The following ASXL3 variants were observed in gnomAD, a reference collection of about 807,000 sequenced individuals.
ASXL3 encodes ASXL transcriptional regulator 3, also known as putative Polycomb group protein ASXL3.
In ASXL3, 34 loss-of-function variants were observed where a neutral mutation model predicts 170.6. The observed-to-expected ratio is 0.20, with a 90% CI of 0.15 to 0.27. The LOEUF (loss-of-function observed/expected upper bound fraction) is 0.27. Among genes scored for constraint, ASXL3 ranks in the 10% least tolerant of loss-of-function variants. The probability of loss-of-function intolerance (pLI) is 1.00; values close to 1 mark genes in which losing one functional copy is unlikely to be tolerated. For missense variants in ASXL3, 2,592 were observed against 2,695.3 expected (o/e 0.96, Z 0.85); for synonymous variants, 1,002 against 989.1 (o/e 1.01, Z -0.24).
chr18:33,586,237 A>G (rs889611264), intron 1 of ASXL3, among the ~76,000 whole-genome samples: 7 of 152,106 alleles, frequency 4.6e-5, no homozygotes, highest in African/African-American at 1.7e-4. Context: ...AAATTACTAC[A>G]TATGTAATCT....
intron 5 of ASXL3, among the ~76,000 whole-genome samples, chr18:33,670,346 C>T (rs2145253145): frequency 6.6e-6 from 1 of 152,334 alleles, no homozygotes; most frequent in Non-Finnish European, 1.5e-5. Flanking sequence ...ATTTTACATT[C>T]ATTTGACTTG....
intron 1 of ASXL3, among the ~76,000 whole-genome samples, chr18:33,606,021 C>G (rs965201225): frequency 3.3e-5 from 5 of 151,932 alleles, no homozygotes; most frequent in Admixed American, 6.6e-5. Flanking sequence ...GTTCTACTTA[C>G]AGTTCTTATT....
intron 1 of ASXL3, among the ~76,000 whole-genome samples, chr18:33,584,010 G>A (rs2065014296): frequency 6.6e-6 from 1 of 152,126 alleles, no homozygotes; most frequent in Non-Finnish European, 1.5e-5. Context: ...ACCATCTGTA[G>A]GTGACACATG....
At chr18:33,693,417 C>T (rs1010413286) in intron 8 of ASXL3, among the ~76,000 whole-genome samples, 2 of 151,560 alleles carry the variant, frequency 1.3e-5, no homozygotes, top group African/African-American at 4.8e-5. Flanking sequence ...TTTAGAAAAA[C>T]GAAGAAAAAA....
intron 8 of ASXL3, among the ~76,000 whole-genome samples, chr18:33,730,258 G>A (rs1250724971): frequency 6.6e-6 from 1 of 152,014 alleles, no homozygotes; most frequent in East Asian, 1.9e-4. Context: ...GAATTATCTG[G>A]CCCCAAATGA....
chr18:33,615,108 A>T (rs2065402585), intron 2 of ASXL3, among the ~76,000 whole-genome samples: 1 of 152,090 alleles, frequency 6.6e-6, no homozygotes, highest in Non-Finnish European at 1.5e-5. Flanking sequence ...AAAGTCCTAG[A>T]TGGCATTTTC....
At chr18:33,652,519 C>CTGCT (rs2066015308) in intron 4 of ASXL3, among the ~76,000 whole-genome samples, 1 of 144,766 alleles carries the variant, frequency 6.9e-6, no homozygotes. Flanking sequence ...AAAAAAGGTT[C>CTGCT]TGCTTGCTAT....
intron 2 of ASXL3, among the ~76,000 whole-genome samples, chr18:33,637,478 A>T (rs1261016515): frequency 6.6e-6 from 1 of 152,156 alleles, no homozygotes; most frequent in Non-Finnish European, 1.5e-5. Context: ...CACAGAACAG[A>T]TTCTGGAAAT....
intron 1 of ASXL3, among the ~76,000 whole-genome samples, chr18:33,597,441 C>A (rs931952894): frequency 6.6e-6 from 1 of 152,066 alleles, no homozygotes; most frequent in African/African-American, 2.4e-5. Flanking sequence ...TATGTACCTT[C>A]ATTTATTTAA....
chr18:33,736,837 A>G (rs2067556691), intron 10 of ASXL3, among the ~76,000 whole-genome samples: 1 of 152,042 alleles, frequency 6.6e-6, no homozygotes, highest in Non-Finnish European at 1.5e-5. Context: ...TCTTAAATCT[A>G]TTTTTCCGTG....
chr18:33,676,222 C>CAAAAAAAAAAAAAAAAAAA (rs568221465), intron 7 of ASXL3, among the ~76,000 whole-genome samples: 586 of 41,694 alleles, frequency 0.014, 103 homozygotes, highest in East Asian at 0.052. Flanking sequence ...GACTCCGTCT[C>CAAAAAAAAAAAAAAAAAAA]AAAAAAAAAA....
chr18:33,663,523 A>G (rs1231907315), intron 5 of ASXL3, among the ~76,000 whole-genome samples: 1 of 152,072 alleles, frequency 6.6e-6, no homozygotes, highest in Non-Finnish European at 1.5e-5. Context: ...TGTGGAGCAT[A>G]TATTCATGGG....
intron 8 of ASXL3, among the ~76,000 whole-genome samples, chr18:33,704,642 A>G (rs535095888): frequency 5.9e-5 from 9 of 152,200 alleles, no homozygotes; most frequent in African/African-American, 1.9e-4. Context: ...TTAAAACACA[A>G]GCATTGCCAT....
intron 7 of ASXL3, among the ~76,000 whole-genome samples, chr18:33,676,887 G>GT (rs1232335284): frequency 2.6e-5 from 4 of 152,142 alleles, no homozygotes; most frequent in African/African-American, 4.8e-5. Context: ...TTAGAACATA[G>GT]ATTTGTGAAT....
intron 1 of ASXL3, among the ~76,000 whole-genome samples, chr18:33,586,332 C>G (rs1034629619): frequency 2.6e-5 from 4 of 152,070 alleles, no homozygotes; most frequent in African/African-American, 9.7e-5. Context: ...CCTCCACCCC[C>G]ACCACCACCC....
intron 2 of ASXL3, among the ~76,000 whole-genome samples, chr18:33,618,243 A>C (rs1431983722): frequency 6.6e-5 from 10 of 152,112 alleles, no homozygotes; most frequent in Non-Finnish European, 2.9e-5. Context: ...GCAAAAATGA[A>C]ATTGATAATT....
intron 4 of ASXL3, among the ~76,000 whole-genome samples, chr18:33,655,779 C>T (rs1267052373): frequency 1.3e-5 from 2 of 152,024 alleles, no homozygotes; most frequent in Non-Finnish European, 2.9e-5. Flanking sequence ...AAATACTATA[C>T]ATAAAACAAA....
At chr18:33,703,483 A>G (rs965542935) in intron 8 of ASXL3, among the ~76,000 whole-genome samples, 4 of 152,144 alleles carry the variant, frequency 2.6e-5, no homozygotes, top group African/African-American at 9.7e-5. Context: ...ACCACCCTAC[A>G]GTGGCCCACT....
chr18:33,741,889 A>ATGAC (rs2067669729), intron 11 of ASXL3, among the ~76,000 whole-genome samples: 1 of 152,200 alleles, frequency 6.6e-6, no homozygotes, highest in Admixed American at 6.5e-5. Context: ...CTACACAGCC[A>ATGAC]TGACTAAGAA....
Sources: allele counts gnomAD v4.1 joint callset (sites outside exome capture counted in the v4.1 genomes callset), GRCh38; gene constraint gnomAD v4.1.1; transcripts MANE v1.5; gene names NCBI Gene and HGNC (gene_info 2026-07-23, HGNC 2026-07-21).